The following ASCC3 variants were observed in gnomAD, a reference collection of about 807,000 sequenced individuals.
ASCC3 encodes ASC-1 complex subunit P200.
Under a neutral mutation model 256.3 loss-of-function variants are expected in ASCC3, and 158 were observed. The observed-to-expected ratio is 0.62, with a 90% confidence interval of 0.54 to 0.70. The LOEUF is 0.70. Among genes scored for constraint, ASCC3 ranks in the 30% least tolerant of loss-of-function variants. The probability of loss-of-function intolerance (pLI) is 0.00; values close to 1 mark genes in which losing one functional copy is unlikely to be tolerated. For missense variants in ASCC3, 2,259 were observed against 2,626.0 expected, an observed-to-expected ratio of 0.86 and a Z score of 3.05; for synonymous variants, 948 against 883.4, an observed-to-expected ratio of 1.07 and a Z score of -1.30.
chr6:100,816,681 T>G (rs1431504138), intron 4 of ASCC3, among the ~76,000 whole-genome samples: 1 of 152,132 alleles, frequency 6.6e-6, no homozygotes, highest in East Asian at 1.9e-4. Flanking sequence ...ATGTTCTCAC[T>G]TATAAGTGGG....
intron 14 of ASCC3, among the ~76,000 whole-genome samples, chr6:100,677,952 C>T (rs1214329199): frequency 6.6e-6 from 1 of 151,968 alleles, no homozygotes; most frequent in Non-Finnish European, 1.5e-5. Context: ...CTTAAATAAA[C>T]ATCATTTTAA....
chr6:100,548,879 T>C (rs1769144024), intron 36 of ASCC3, among the ~76,000 whole-genome samples: 1 of 151,988 alleles, frequency 6.6e-6, no homozygotes, highest in Non-Finnish European at 1.5e-5. Flanking sequence ...ACAAGCCTTA[T>C]ATATACTATG....
chr6:100,868,401 C>G (rs941971487), intron 1 of ASCC3, among the ~76,000 whole-genome samples: 4 of 152,218 alleles, frequency 2.6e-5, no homozygotes, highest in African/African-American at 9.6e-5. Flanking sequence ...AATTACACCA[C>G]TTTCCAGTGG....
chr6:100,809,638 CAAT>C (rs1318178600), intron 4 of ASCC3, among the ~76,000 whole-genome samples: 1 of 151,994 alleles, frequency 6.6e-6, no homozygotes, highest in Admixed American at 6.6e-5. Flanking sequence ...GTAGAGTACT[CAAT>C]AACTTTTAAG....
chr6:100,737,094 C>T (rs982923948), intron 10 of ASCC3, among the ~76,000 whole-genome samples: 1 of 150,420 alleles, frequency 6.6e-6, no homozygotes, highest in Non-Finnish European at 1.5e-5. Flanking sequence ...ATGCAGTGAG[C>T]CGAGATTGCA....
chr6:100,642,584 T>C lies in ASCC3; in HGVS notation c.3898A>G (p.Thr1300Ala), dbSNP rs774439838. Residue 1300 changes from threonine to alanine, a missense_variant, in exon 24 of 42, where the codon ACA (threonine) becomes GCA (alanine). By Grantham distance (58) the Thr-to-Ala change is moderately conservative. This residue lies in a region of ASCC3 where 1,839 missense variants were observed against 2,206.7 expected (regional missense o/e 0.83). Coordinates refer to ENST00000369162, the MANE Select transcript of ASCC3 (RefSeq NM_006828.4). Reference protein sequence around the residue: ...LILPERHPPHTELLDLQPLPI... With the variant: ...LILPERHPPHAELLDLQPLPI... Reference sequence around the variant, plus strand: ...AAATCAGCATTCACCATGTTACCTGTATGAGGAGGATGTCTCTCTGGTAGA... The same window carrying C: ...AAATCAGCATTCACCATGTTACCTGCATGAGGAGGATGTCTCTCTGGTAGA... The C allele has an allele frequency of 6.8e-6, 11 of 1,613,866 alleles. No homozygotes were observed. Among genetic ancestry groups the C allele is most frequent in the Non-Finnish European group, 8.5e-6 (10 of 1,179,814 alleles).
intron 8 of ASCC3, among the ~76,000 whole-genome samples, chr6:100,787,265 G>A (rs1258177269): frequency 6.6e-6 from 1 of 152,044 alleles, no homozygotes; most frequent in Non-Finnish European, 1.5e-5. Context: ...TGAACAATTA[G>A]AGGTTGAATT....
intron 4 of ASCC3, among the ~76,000 whole-genome samples, chr6:100,845,052 G>A (rs539867550): frequency 1.3e-5 from 2 of 152,242 alleles, no homozygotes; most frequent in Non-Finnish European, 2.9e-5. Flanking sequence ...TAAAGAAATT[G>A]TGAATTAAGA....
intron 8 of ASCC3, among the ~76,000 whole-genome samples, chr6:100,786,085 T>C (rs1408895967): frequency 6.6e-6 from 1 of 151,994 alleles, no homozygotes; most frequent in Non-Finnish European, 1.5e-5. Context: ...AACACAAAGT[T>C]CTCAATGGGG....
intron 10 of ASCC3, among the ~76,000 whole-genome samples, chr6:100,736,000 C>CA (rs1780139070): frequency 6.6e-6 from 1 of 152,114 alleles, no homozygotes; most frequent in African/African-American, 2.4e-5. Context: ...TCCCTCAATA[C>CA]ACCCACAAGT....
At position 100,788,094 on chromosome 6, in the gene ASCC3, G is replaced by C. The variant is rs1303715059; in HGVS notation, c.1395+10619C>G. On this transcript the variant is annotated intron_variant, in intron 8 of 41. Transcript: ENST00000369162. ...CATATCTGAAAACGGACTGTATTCA[G>C]ACTACACAAAGAAGTCTCAAAATTC... 3.3e-5 allele frequency among the ~76,000 whole-genome samples: 5 copies of C among 151,726 alleles called. No homozygotes were observed. In the East Asian group the frequency reaches 9.7e-4, roughly 29 times the overall value.
chr6:100,730,976 CT>C (rs1291302696), intron 10 of ASCC3, among the ~76,000 whole-genome samples: 2 of 152,070 alleles, frequency 1.3e-5, no homozygotes, highest in Admixed American at 6.6e-5. Context: ...CAAAAGTATT[CT>C]CACAGCATAT....
intron 4 of ASCC3, among the ~76,000 whole-genome samples, chr6:100,811,914 T>C (rs1770488886): frequency 6.6e-6 from 1 of 152,136 alleles, no homozygotes; most frequent in Non-Finnish European, 1.5e-5. Context: ...GATTAGTTTG[T>C]AGAGAAATTT....
chr6:100,567,605 T>C (rs1770336558), intron 36 of ASCC3, among the ~76,000 whole-genome samples: 1 of 152,198 alleles, frequency 6.6e-6, no homozygotes, highest in East Asian at 1.9e-4. Flanking sequence ...GTCATCTTTG[T>C]GTCCATGAGT....
At chr6:100,667,394 A>G (rs1776531848) in intron 14 of ASCC3, among the ~76,000 whole-genome samples, 1 of 152,094 alleles carries the variant, frequency 6.6e-6, no homozygotes, top group Admixed American at 6.6e-5. Context: ...ATTAAGCTAG[A>G]AAAAAGGATT....
intron 26 of ASCC3, 114 bp downstream of exon 26, chr6:100,631,014 A>C (rs1174718505): frequency 1.3e-6 from 1 of 749,142 alleles, no homozygotes; most frequent in Non-Finnish European, 2.2e-6. Context: ...TCAGCAGTTA[A>C]ATAAAAGACT....
At chr6:100,866,454 C>G (rs1353072907) in intron 2 of ASCC3, among the ~76,000 whole-genome samples, 1 of 152,168 alleles carries the variant, frequency 6.6e-6, no homozygotes, top group Non-Finnish European at 1.5e-5. Context: ...GTAGTGAAAT[C>G]ATCACATCTA....
chr6:100,771,769 T>G (rs530369088), intron 8 of ASCC3, among the ~76,000 whole-genome samples: 10 of 122,704 alleles, frequency 8.1e-5, no homozygotes, highest in Admixed American at 8.1e-4. Flanking sequence ...TTTAATTTTT[T>G]TAATTGCAAG....
At chr6:100,650,748 G>A (rs1347594414) in intron 19 of ASCC3, 34 bp from the exon 20 acceptor site, 1 of 1,542,884 alleles carries the variant, frequency 6.5e-7, no homozygotes, top group South Asian at 1.1e-5. Flanking sequence ...GGAATTTTGG[G>A]GCTGATTTAT....
Sources: gnomAD v4.1 joint callset for allele counts (sites outside exome capture counted in the v4.1 genomes callset) on GRCh38, gnomAD v4.1.1 for gene constraint, gnomAD v4.1.1 regional missense constraint, MANE v1.5 for transcripts, NCBI Gene and HGNC (gene_info 2026-07-23, HGNC 2026-07-21) for gene names.